The following VPS13B variants were observed in gnomAD, a reference collection of about 807,000 sequenced individuals.
The protein encoded by VPS13B is vacuolar protein sorting 13 homolog B, also known as intermembrane lipid transfer protein VPS13B.
Under a neutral mutation model 426.4 loss-of-function variants are expected in VPS13B, and 285 were observed. The observed-to-expected ratio is 0.67, with a 90% CI of 0.61 to 0.74. The LOEUF (loss-of-function observed/expected upper bound fraction) is 0.74. VPS13B is among the 30% of genes least tolerant of loss of function. The pLI is 0.00. For synonymous variants in VPS13B, 1,676 were observed against 1,676.4 expected (o/e 1.00, Z 0.01); for missense variants, 4,537 against 4,782.6 (o/e 0.95, Z 1.51).
intron 36 of VPS13B, among the ~76,000 whole-genome samples, chr8:99,712,907 T>TG (rs913358759): frequency 2.0e-5 from 3 of 152,108 alleles, no homozygotes; most frequent in Non-Finnish European, 4.4e-5. Context: ...TGTATAACGT[T>TG]GGGGGGGTTA....
chr8:99,784,424 T>C lies in VPS13B; in HGVS notation c.7889T>C (p.Leu2630Pro). Residue 2630 changes from leucine to proline, a missense_variant, in exon 43 of 62, where the codon CTG becomes CCG. Around this residue, in one of 2 missense-constraint regions of VPS13B, gnomAD observed 4,311 missense variants for 4,474.3 expected, o/e 0.96. Coordinates refer to ENST00000357162, the MANE Select transcript of VPS13B (RefSeq NM_152564.5). ...GQVDTDENILLASLHSHQYSW... is the reference protein window; with the variant it reads ...GQVDTDENILPASLHSHQYSW... ...GTGGATACTGATGAAAATATTCTGC[T>C]GGCGAGTCTCCACAGTCACCAGTAC... is the stretch of plus-strand genomic sequence containing the variant. 1 of 1,613,738 alleles carries C rather than the reference T, an allele frequency of 6.2e-7. No homozygotes were observed. Among genetic ancestry groups the C allele is most frequent in the Non-Finnish European group, 8.5e-7 (1 of 1,179,708 alleles).
At chr8:99,610,518 A>G (rs1457856877) in intron 33 of VPS13B, among the ~76,000 whole-genome samples, 2 of 152,058 alleles carry the variant, frequency 1.3e-5, no homozygotes, top group African/African-American at 2.4e-5. Flanking sequence ...GTTCTCAGTC[A>G]TAAGTGGGAG....
intron 33 of VPS13B, among the ~76,000 whole-genome samples, chr8:99,626,996 T>A (rs897143993): frequency 6.6e-6 from 1 of 152,184 alleles, no homozygotes; most frequent in African/African-American, 2.4e-5. Context: ...GAGGACATTA[T>A]GCTAAGTGAA....
At position 99,575,667 on chromosome 8, in the gene VPS13B, G is replaced by T. The variant is rs182877520; in HGVS notation, c.4959G>T (p.Arg1653=). The change falls in exon 32 of 62, where the codon CGG becomes CGT. Residue 1653 remains arginine, a synonymous_variant. Coordinates refer to ENST00000357162, the MANE Select transcript of VPS13B (RefSeq NM_152564.5). The part of the protein sequence containing the change: ...LEWNMASSIR[R]HQERRAILTP... ...TTACTCTATCTTTTAGCATACGGCG[G>T]CATCAAGAAAGGAGAGCAATTTTGA... The T allele has an allele frequency of 7.4e-6, 12 of 1,613,838 alleles. No individual in the cohort carries two copies. Among genetic ancestry groups the T allele is most frequent in the Non-Finnish European group, 1.0e-5 (12 of 1,179,874 alleles).
chr8:99,776,956 G>A lies in VPS13B; in HGVS notation c.7429G>A (p.Ala2477Thr). 2.5e-6 allele frequency: 4 copies of A among 1,613,792 alleles called. No individual in the cohort carries two copies. Among genetic ancestry groups the A allele is most frequent in the Non-Finnish European group, 3.4e-6 (4 of 1,179,780 alleles). Residue 2477 changes from alanine (A) to threonine (T), a missense_variant and splice_region_variant, in exon 41 of 62, where the codon GCT (alanine) becomes ACT (threonine). By Grantham distance (58) the Ala-to-Thr change is moderately conservative. Transcript: ENST00000357162. ...LCHHLDQLGT[A>T]APQYLQPFVS... ...TCATCACCTTGACCAACTAGGCACA[G>A]GTACTCTTTTTTTTAGCATCAGAAT... is the stretch of plus-strand genomic sequence containing the variant.
chr8:99,122,780 A>G (rs986200701), intron 8 of VPS13B, among the ~76,000 whole-genome samples: 3 of 152,166 alleles, frequency 2.0e-5, no homozygotes, highest in African/African-American at 4.8e-5. Context: ...AACAAATAAC[A>G]TATATATTGT....
At chr8:99,290,321 A>G (rs1414484292) in intron 19 of VPS13B, among the ~76,000 whole-genome samples, 2 of 152,144 alleles carry the variant, frequency 1.3e-5, no homozygotes, top group Non-Finnish European at 2.9e-5. Flanking sequence ...AATACTATGC[A>G]GCCATAGAAA....
chr8:99,559,034 A>T (rs2133770743), intron 31 of VPS13B, among the ~76,000 whole-genome samples: 1 of 152,292 alleles, frequency 6.6e-6, no homozygotes, highest in Non-Finnish European at 1.5e-5. Flanking sequence ...CAACAGTGTA[A>T]AAGTGTTCCT....
In VPS13B at chr8:99,178,986, G is replaced by T. The variant is rs115671952; in HGVS notation, c.2333+8823G>T. Reference sequence around the variant, plus strand: ...GCATGTTGATTAATAGCTATTAATAGCAGGTTCTAGATAAGAACTTTGTAT... The same window carrying T: ...GCATGTTGATTAATAGCTATTAATATCAGGTTCTAGATAAGAACTTTGTAT... On this transcript the variant is annotated intron_variant, in intron 16 of 61. Transcript: ENST00000357162. 9.9e-3 allele frequency among the ~76,000 whole-genome samples: 1,509 copies of T among 152,178 alleles called. 33 individuals are homozygous for T. Among genetic ancestry groups the T allele is most frequent in the African/African-American group, 0.035 (1,446 of 41,516 alleles).
intron 35 of VPS13B, among the ~76,000 whole-genome samples, chr8:99,688,218 G>T (rs1831504105): frequency 6.6e-6 from 1 of 150,518 alleles, no homozygotes; most frequent in South Asian, 2.1e-4. Context: ...TTAAACAGGA[G>T]TGAGCCACTC....
rs771515364 is a variant in VPS13B, at chr8:99,511,525, G to A, written c.4633+13G>A. The A allele has an allele frequency of 1.9e-6, 3 of 1,605,424 alleles. No individual in the cohort carries two copies. Among genetic ancestry groups the A allele is most frequent in the South Asian group, 2.3e-5 (2 of 88,026 alleles). ...CCAACTGTTGAAGGTATTGTCTTCTGATTTTTTTTGTCTGATTTTAAATAA... is the reference window on the plus strand; with the variant it reads ...CCAACTGTTGAAGGTATTGTCTTCTAATTTTTTTTGTCTGATTTTAAATAA... On this transcript the variant is annotated intron_variant, in intron 29 of 61. Transcript: ENST00000357162.
intron 19 of VPS13B, among the ~76,000 whole-genome samples, chr8:99,296,219 TTATC>T (rs1452833131): frequency 1.3e-5 from 2 of 152,194 alleles, no homozygotes; most frequent in East Asian, 3.8e-4. Context: ...ACCCTTTTAA[TTATC>T]TATCCAAATA....
chr8:99,427,383 A>C (rs1258083481), intron 21 of VPS13B, among the ~76,000 whole-genome samples: 1 of 143,012 alleles, frequency 7.0e-6, no homozygotes, highest in Non-Finnish European at 1.5e-5. Flanking sequence ...CTTAGGATTG[A>C]CTTGGCAATG....
At chr8:99,373,464 C>T (rs186502803) in intron 19 of VPS13B, among the ~76,000 whole-genome samples, 159 of 152,258 alleles carry the variant, frequency 1.0e-3, no homozygotes, top group African/African-American at 3.7e-3. Flanking sequence ...GCATTAATTA[C>T]TGACTCATAG....
At chr8:99,764,489 T>C (rs951455548) in intron 39 of VPS13B, among the ~76,000 whole-genome samples, 2 of 149,202 alleles carry the variant, frequency 1.3e-5, no homozygotes, top group African/African-American at 2.5e-5. Context: ...TCTTGGCTCA[T>C]GGCAACCTCC....
chr8:99,859,156 A>G, intron 56 of VPS13B, 148 bp from the exon 57 acceptor site: 1 of 978,214 alleles, frequency 1.0e-6, no homozygotes, highest in Non-Finnish European at 1.6e-6. Context: ...AGAATGACTT[A>G]TTTCCCTTAT....
At chr8:99,209,566 ATTTTT>A in intron 17 of VPS13B, 7 of 225,378 alleles carry the variant, frequency 3.1e-5, no homozygotes, top group South Asian at 1.7e-4. Flanking sequence ...TTTAATAACA[ATTTTT>A]TTTTTTTTTT....
At chr8:99,257,070 G>A (rs1156569788) in intron 17 of VPS13B, among the ~76,000 whole-genome samples, 1 of 152,226 alleles carries the variant, frequency 6.6e-6, no homozygotes, top group East Asian at 1.9e-4. Flanking sequence ...ATCAAAGTTA[G>A]CACCACACAT....
At chr8:99,669,242 A>T (rs928121601) in intron 35 of VPS13B, among the ~76,000 whole-genome samples, 3 of 150,990 alleles carry the variant, frequency 2.0e-5, no homozygotes, top group Non-Finnish European at 4.4e-5. Flanking sequence ...TTTTAACCAT[A>T]GGATTCCTTA....
Sources: gnomAD v4.1 joint callset for allele counts (sites outside exome capture counted in the v4.1 genomes callset) on GRCh38, gnomAD v4.1.1 for gene constraint, gnomAD v4.1.1 regional missense constraint, MANE v1.5 for transcripts, NCBI Gene and HGNC (gene_info 2026-07-23, HGNC 2026-07-21) for gene names.